The following CDH12 variants were observed in gnomAD, a reference collection of about 807,000 sequenced individuals.
CDH12 encodes the protein cadherin 12.
In CDH12, 41 loss-of-function variants were observed where a neutral mutation model predicts 74.1. The ratio of observed to expected loss-of-function variants is 0.55; its 90% CI spans 0.43 to 0.72. The LOEUF is 0.72. CDH12 is among the 30% of genes least tolerant of loss of function. CDH12 has a pLI of 0.00. For synonymous variants in CDH12, 399 were observed against 355.0 expected (o/e 1.12, Z -1.39); for missense variants, 945 against 977.2 (o/e 0.97, Z 0.44).
chr5:22,083,658 G>T (rs1191215676), intron 4 of CDH12, among the ~76,000 whole-genome samples: 1 of 152,122 alleles, frequency 6.6e-6, no homozygotes, highest in Non-Finnish European at 1.5e-5. Context: ...TTTGACAGAA[G>T]AAATGGAGGA....
intron 6 of CDH12, chr5:21,889,602 C>T (rs904751240): frequency 4.1e-6 from 4 of 985,240 alleles, no homozygotes; most frequent in Non-Finnish European, 4.8e-6. Flanking sequence ...AGCCTCTTTC[C>T]AGTCTGTGTT....
intron 1 of CDH12, among the ~76,000 whole-genome samples, chr5:22,528,381 A>T (rs528319122): frequency 6.6e-6 from 1 of 152,086 alleles, no homozygotes; most frequent in Non-Finnish European, 1.5e-5. Flanking sequence ...TACTCTCCAC[A>T]TATTGCCATT....
intron 1 of CDH12, among the ~76,000 whole-genome samples, chr5:22,673,317 A>C (rs1741000580): frequency 6.6e-6 from 1 of 152,194 alleles, no homozygotes; most frequent in Non-Finnish European, 1.5e-5. Context: ...TTGGCAAAAC[A>C]AAGGTTCTTC....
chr5:22,226,096 A>G (rs1015210663), intron 3 of CDH12, among the ~76,000 whole-genome samples: 1 of 151,672 alleles, frequency 6.6e-6, no homozygotes, highest in Non-Finnish European at 1.5e-5. Context: ...TTTAACATTT[A>G]TGTAGAAGTT....
intron 4 of CDH12, among the ~76,000 whole-genome samples, chr5:22,096,280 T>C (rs560803269): frequency 6.6e-6 from 1 of 152,268 alleles, no homozygotes; most frequent in African/African-American, 2.4e-5. Flanking sequence ...CTACAAGATC[T>C]AAATAATTCT....
At chr5:21,994,601 G>A (rs921884130) in intron 5 of CDH12, among the ~76,000 whole-genome samples, 3 of 152,098 alleles carry the variant, frequency 2.0e-5, no homozygotes, top group African/African-American at 4.8e-5. Context: ...GAGAAACCTT[G>A]TTCCACATCA....
At chr5:21,862,548 A>C (rs1355708190) in intron 6 of CDH12, among the ~76,000 whole-genome samples, 2 of 152,136 alleles carry the variant, frequency 1.3e-5, no homozygotes, top group Non-Finnish European at 2.9e-5. Flanking sequence ...TTGTTAATTC[A>C]TTCATGTCTT....
intron 3 of CDH12, among the ~76,000 whole-genome samples, chr5:22,392,030 C>T (rs1329134010): frequency 6.6e-6 from 1 of 152,166 alleles, no homozygotes; most frequent in Non-Finnish European, 1.5e-5. Context: ...GACGAGAAAA[C>T]TTGTTCTTTA....
At chr5:22,284,793 T>C (rs552277131) in intron 3 of CDH12, among the ~76,000 whole-genome samples, 2 of 152,012 alleles carry the variant, frequency 1.3e-5, no homozygotes, top group East Asian at 3.9e-4. Flanking sequence ...CTTAGCCACA[T>C]TGTATTTAAG....
At chr5:22,586,897 A>T (rs887161663) in intron 1 of CDH12, among the ~76,000 whole-genome samples, 15 of 129,000 alleles carry the variant, frequency 1.2e-4, no homozygotes, top group African/African-American at 3.9e-4. Flanking sequence ...CTCAGGCTGG[A>T]GTGCAATGGT....
intron 1 of CDH12, among the ~76,000 whole-genome samples, chr5:22,587,076 T>C (rs1740441739): frequency 1.3e-5 from 2 of 152,176 alleles, no homozygotes; most frequent in African/African-American, 4.8e-5. Flanking sequence ...CCTCAGGCGA[T>C]CTGCCCGTCT....
intron 1 of CDH12, among the ~76,000 whole-genome samples, chr5:22,563,726 A>T (rs1285532574): frequency 6.6e-6 from 1 of 152,188 alleles, no homozygotes; most frequent in Admixed American, 6.5e-5. Flanking sequence ...TTTACAAAAG[A>T]GGTTCATTGG....
At chr5:22,357,230 C>G (rs1740601874) in intron 3 of CDH12, among the ~76,000 whole-genome samples, 1 of 152,002 alleles carries the variant, frequency 6.6e-6, no homozygotes, top group African/African-American at 2.4e-5. Flanking sequence ...TGGAGATTCC[C>G]ATGAGAGATG....
chr5:22,493,048 G>T (rs1318917254), intron 2 of CDH12, among the ~76,000 whole-genome samples: 1 of 152,102 alleles, frequency 6.6e-6, no homozygotes, highest in East Asian at 1.9e-4. Flanking sequence ...CCACAAATAT[G>T]CCAAACTTAT....
At position 22,405,318 on chromosome 5, in the gene CDH12, C is replaced by T; in HGVS notation, c.-394G>A. ...GTATCTCAAATTGTTTTGACCTCCA[C>T]AGTAACTTGATTCTATAGCACTGGA... On this transcript the variant is annotated 5_prime_UTR_variant, in exon 3 of 15. In the 5' UTR this introduces an upstream ATG that the reference lacks. Transcript: ENST00000382254. 1.0e-6 allele frequency: 1 copy of T among 982,164 alleles called. No individual in the cohort carries two copies. The highest frequency in any genetic ancestry group is 1.2e-6 in the Non-Finnish European group (1 of 826,950). 60.8% of individuals were successfully genotyped at this position (982,164 alleles called of 1,614,324 possible). A position where few individuals can be genotyped will look rare whatever the true frequency, so the allele number is the denominator to read the frequency against.
intron 1 of CDH12, among the ~76,000 whole-genome samples, chr5:22,605,155 G>C (rs576279603): frequency 6.6e-6 from 1 of 152,142 alleles, no homozygotes; most frequent in East Asian, 1.9e-4. Context: ...TTGTGCCTAC[G>C]GGAGCAAGAA....
At chr5:22,660,443 T>C (rs1173947174) in intron 1 of CDH12, among the ~76,000 whole-genome samples, 2 of 152,226 alleles carry the variant, frequency 1.3e-5, no homozygotes, top group Non-Finnish European at 2.9e-5. Flanking sequence ...ATCTCTCTTA[T>C]CGGTCTGTGT....
At chr5:22,163,838 AT>A (rs1274003290) in intron 4 of CDH12, among the ~76,000 whole-genome samples, 2 of 152,152 alleles carry the variant, frequency 1.3e-5, no homozygotes. Context: ...TCCCTAGGTC[AT>A]TTTTTCATCT....
chr5:22,535,153 T>TTTC (rs1428625656), intron 1 of CDH12, among the ~76,000 whole-genome samples: 1 of 131,620 alleles, frequency 7.6e-6, no homozygotes, highest in Admixed American at 8.8e-5. Context: ...CTTTTTTTTT[T>TTTC]TTTTCTTTTT....
Sources: allele counts gnomAD v4.1 joint callset (sites outside exome capture counted in the v4.1 genomes callset), GRCh38; gene constraint gnomAD v4.1.1; transcripts MANE v1.5; gene names NCBI Gene and HGNC (gene_info 2026-07-23, HGNC 2026-07-21).